Variants in PRKN observed in about 807,000 individuals in gnomAD.
PRKN encodes E3 ubiquitin-protein ligase parkin.
In PRKN, 56 loss-of-function variants were observed where a neutral mutation model predicts 59.5. That is an observed-to-expected ratio of 0.94 (90% confidence interval 0.76 to 1.18). PRKN has a LOEUF of 1.18. Ranked by LOEUF, PRKN falls within the 50% of genes most tolerant of loss-of-function variation. The pLI, the probability that PRKN is intolerant of heterozygous loss-of-function variation, is 0.00. For synonymous variants in PRKN, 250 were observed against 222.1 expected, an observed-to-expected ratio of 1.13 and a Z score of -1.12; for missense variants, 657 against 596.4, an observed-to-expected ratio of 1.10 and a Z score of -1.06.
intron 6 of PRKN, among the ~76,000 whole-genome samples, chr6:161,806,139 G>A (rs373046066): frequency 3.3e-5 from 5 of 152,254 alleles, no homozygotes; most frequent in East Asian, 1.9e-4. Flanking sequence ...GATGATCAAC[G>A]TGATTGGTCG....
intron 5 of PRKN, among the ~76,000 whole-genome samples, chr6:162,034,591 C>T (rs1001217895): frequency 5.3e-5 from 8 of 152,250 alleles, no homozygotes; most frequent in Non-Finnish European, 7.4e-5. Context: ...AGAAGAATTC[C>T]TTATGATGAA....
intron 1 of PRKN, among the ~76,000 whole-genome samples, chr6:162,543,925 TCTGA>T (rs747948518): frequency 1.1e-4 from 17 of 152,300 alleles, no homozygotes; most frequent in Non-Finnish European, 1.9e-4. Flanking sequence ...CTGAAAGGTT[TCTGA>T]CTATGAAACC....
chr6:161,794,946 G>A (rs144760327), intron 6 of PRKN, among the ~76,000 whole-genome samples: 2,289 of 151,940 alleles, frequency 0.015, 55 homozygotes, highest in African/African-American at 0.052. Context: ...GTGCAGTGGC[G>A]CGATCTCAGC....
intron 6 of PRKN, among the ~76,000 whole-genome samples, chr6:161,944,771 T>C: frequency 6.6e-6 from 1 of 152,236 alleles, no homozygotes; most frequent in East Asian, 1.9e-4. Context: ...GAATTGATTT[T>C]ATCATAGTCA....
At chr6:162,236,019 AAG>A (rs749536284) in intron 3 of PRKN, among the ~76,000 whole-genome samples, 8 of 151,414 alleles carry the variant, frequency 5.3e-5, no homozygotes, top group South Asian at 2.1e-4. Context: ...GAAAGAAAGA[AAG>A]AAACTCCTCA....
intron 7 of PRKN, among the ~76,000 whole-genome samples, chr6:161,679,494 C>T (rs1458500158): frequency 6.6e-6 from 1 of 151,828 alleles, no homozygotes; most frequent in East Asian, 1.9e-4. Context: ...TCCCTCCCTC[C>T]ACCACAGCCT....
At chr6:162,113,879 A>C (rs1272356638) in intron 4 of PRKN, among the ~76,000 whole-genome samples, 1 of 151,976 alleles carries the variant, frequency 6.6e-6, no homozygotes, top group African/African-American at 2.4e-5. Flanking sequence ...TCCATCTTGA[A>C]TTGATTTTTG....
At position 161,550,691 on chromosome 6, in the gene PRKN, G is replaced by GC. The variant is rs150609846; in HGVS notation, c.934-1689_934-1688insG. Reference sequence around the variant, plus strand: ...TTCCTGAGAAGACAGGAGGCGGGTAGGGGTGGGGACAACTGTGGTAGAAGA... The same window carrying GC: ...TTCCTGAGAAGACAGGAGGCGGGTAGCGGGTGGGGACAACTGTGGTAGAAGA... On this transcript the variant is annotated intron_variant, in intron 8 of 11. Coordinates refer to ENST00000366898, the MANE Select transcript of PRKN (RefSeq NM_004562.3). This position sits in a 1 kb window ranked among gnomAD's most constrained non-coding sequence, Gnocchi z 4.0. Among the ~76,000 whole-genome samples, 35,336 of 151,680 alleles carry GC rather than the reference G, an allele frequency of 0.23. 4,558 individuals are homozygous for GC. The highest frequency in any genetic ancestry group is 0.34 in the African/African-American group (13,916 of 41,298).
At chr6:161,615,946 G>A (rs541385803) in intron 7 of PRKN, among the ~76,000 whole-genome samples, 34 of 152,260 alleles carry the variant, frequency 2.2e-4, no homozygotes, top group Middle Eastern at 3.4e-3. Context: ...AGTTGGGTTC[G>A]TGCTGCTTAT....
chr6:161,728,424 G>T (rs558513277), intron 7 of PRKN, among the ~76,000 whole-genome samples: 1 of 152,078 alleles, frequency 6.6e-6, no homozygotes, highest in Admixed American at 6.6e-5. Context: ...CCGTGTGAGG[G>T]ATCCCACCAG....
chr6:162,243,000 T>C (rs1395675166), intron 3 of PRKN, among the ~76,000 whole-genome samples: 1 of 151,972 alleles, frequency 6.6e-6, no homozygotes, highest in Non-Finnish European at 1.5e-5. Context: ...CAAAGAGCTG[T>C]TGGTTCCTTA....
chr6:161,994,588 A>C (rs1781770578), intron 5 of PRKN, among the ~76,000 whole-genome samples: 1 of 152,152 alleles, frequency 6.6e-6, no homozygotes. Context: ...TCCACCAAAA[A>C]ACTCTTAGAA....
chr6:162,495,362 C>T (rs1444174756), intron 1 of PRKN, among the ~76,000 whole-genome samples: 2 of 152,164 alleles, frequency 1.3e-5, no homozygotes, highest in Non-Finnish European at 2.9e-5. Context: ...CTGTACAGCA[C>T]TTTTTGGTCT....
chr6:161,618,176 G>A (rs1782765206), intron 7 of PRKN, among the ~76,000 whole-genome samples: 1 of 152,194 alleles, frequency 6.6e-6, no homozygotes, highest in African/African-American at 2.4e-5. Context: ...TATCGTACAT[G>A]AAGTGTTTGG....
intron 4 of PRKN, among the ~76,000 whole-genome samples, chr6:162,108,392 T>A (rs955482367): frequency 1.3e-5 from 2 of 152,210 alleles, no homozygotes; most frequent in Non-Finnish European, 2.9e-5. Flanking sequence ...AGATCATGTG[T>A]GTATTTACTA....
At chr6:162,010,576 G>A (rs180805811) in intron 5 of PRKN, among the ~76,000 whole-genome samples, 921 of 2,116 alleles carry the variant, frequency 0.44, 252 homozygotes, top group African/African-American at 0.71. Flanking sequence ...ATTATATAAT[G>A]TATTATATTA....
intron 1 of PRKN, among the ~76,000 whole-genome samples, chr6:162,702,988 T>C (rs200358707): frequency 6.6e-6 from 1 of 152,182 alleles, no homozygotes; most frequent in East Asian, 1.9e-4. Flanking sequence ...AATGAATCAA[T>C]TTTTACTTAA....
chr6:161,748,921 A>T (rs1037149936), intron 7 of PRKN, among the ~76,000 whole-genome samples: 1 of 152,220 alleles, frequency 6.6e-6, no homozygotes, highest in South Asian at 2.1e-4. Flanking sequence ...CTTGCCTGTC[A>T]TGTGTATTCC....
At chr6:162,280,190 G>A (rs1023495236) in intron 2 of PRKN, among the ~76,000 whole-genome samples, 3 of 152,052 alleles carry the variant, frequency 2.0e-5, no homozygotes, top group Admixed American at 1.3e-4. Flanking sequence ...ATACTACTAC[G>A]TGTGAATTTG....
Sources: allele counts gnomAD v4.1 joint callset (sites outside exome capture counted in the v4.1 genomes callset), GRCh38; gene constraint gnomAD v4.1.1; non-coding constraint Gnocchi (gnomAD v3.1); transcripts MANE v1.5; gene names NCBI Gene and HGNC (gene_info 2026-07-23, HGNC 2026-07-21).